RPH3AL: variants seen among roughly 807,000 people sequenced by gnomAD.
RPH3AL encodes rabphilin 3A like (without C2 domains), also known as rab effector Noc2.
In RPH3AL, 38 loss-of-function variants were observed where a neutral mutation model predicts 43.1. That is an observed-to-expected ratio of 0.88 (90% confidence interval 0.68 to 1.15). RPH3AL has a LOEUF of 1.15. Ranked by LOEUF, RPH3AL falls within the 50% of genes most tolerant of loss-of-function variation. The probability of loss-of-function intolerance (pLI) is 0.00; values close to 1 mark genes in which losing one functional copy is unlikely to be tolerated. For missense variants in RPH3AL, 462 were observed against 423.2 expected (o/e 1.09, Z -0.81); for synonymous variants, 189 against 176.3 (o/e 1.07, Z -0.57).
At position 225,457 on chromosome 17, in the gene RPH3AL, G is replaced by A. The variant is rs1228744557; in HGVS notation, c.614-5721C>T. Among the ~76,000 whole-genome samples the A allele has an allele frequency of 6.6e-6, 1 of 152,160 alleles. No individual in the cohort carries two copies. Among genetic ancestry groups the A allele is most frequent in the Non-Finnish European group, 1.5e-5 (1 of 68,024 alleles). The stretch of plus-strand genomic sequence containing the variant: ...TGTAGTTTTGACTCACTGATGAGAT[G>A]CCAACCTCATGGGTCCCATGAAAAA... On this transcript the variant is annotated intron_variant, in intron 7 of 9. Coordinates refer to ENST00000331302, the MANE Select transcript of RPH3AL (RefSeq NM_006987.4). The surrounding 1 kb of genome is among the most constrained non-coding windows in gnomAD (Gnocchi z 4.4).
chr17:341,661 G>T (rs2045122578), intron 1 of RPH3AL, among the ~76,000 whole-genome samples: 5 of 152,258 alleles, frequency 3.3e-5, no homozygotes, highest in Middle Eastern at 3.4e-3. Flanking sequence ...ATTTGGCAAT[G>T]ATTTCTTAGA....
At position 247,306 on chromosome 17, in the gene RPH3AL, G is replaced by A. The variant is rs371501624; in HGVS notation, c.439-21C>T. 5 of 1,545,528 alleles carry A rather than the reference G, an allele frequency of 3.2e-6. No individual in the cohort carries two copies. In the African/African-American group the frequency reaches 5.5e-5, roughly 17 times the overall value. On this transcript the variant is annotated intron_variant, in intron 6 of 9. Coordinates refer to ENST00000331302, the MANE Select transcript of RPH3AL (RefSeq NM_006987.4). ...CAGACCTGAGTGGGGGAAGAGAGCTGCTTGGGGCACAGGACGCAGAGGAGC... is the reference window on the plus strand; with the variant it reads ...CAGACCTGAGTGGGGGAAGAGAGCTACTTGGGGCACAGGACGCAGAGGAGC...
chr17:347,108 A>C (rs2045251605), intron 1 of RPH3AL, among the ~76,000 whole-genome samples: 1 of 134,178 alleles, frequency 7.5e-6, no homozygotes, highest in African/African-American at 2.6e-5. Context: ...AATACAAAAA[A>C]TTAGCCAGGC....
chr17:274,216 G>A lies in RPH3AL; in HGVS notation c.438+7552C>T, dbSNP rs531173391. Among the ~76,000 whole-genome samples the A allele has an allele frequency of 1.1e-3, 167 of 152,360 alleles. No individual in the cohort carries two copies. Among genetic ancestry groups the A allele is most frequent in the Non-Finnish European group, 1.8e-3 (123 of 68,032 alleles). On this transcript the variant is annotated intron_variant, in intron 6 of 9. Transcript: ENST00000331302. This position sits in a 1 kb window ranked among gnomAD's most constrained non-coding sequence, Gnocchi z 4.7. Reference sequence around the variant, plus strand: ...CGCACCCATGAAAGCACGTGGAAAAGGCACCGCGAAACCCCAGCCCGGGGC... The same window carrying A: ...CGCACCCATGAAAGCACGTGGAAAAAGCACCGCGAAACCCCAGCCCGGGGC...
intron 6 of RPH3AL, among the ~76,000 whole-genome samples, chr17:269,464 A>G (rs1167452987): frequency 6.6e-6 from 1 of 152,228 alleles, no homozygotes; most frequent in African/African-American, 2.4e-5. Flanking sequence ...GGCCTCGAAC[A>G]GTGCCCGGCA....
chr17:329,090 T>G (rs556573047), intron 2 of RPH3AL, among the ~76,000 whole-genome samples: 1 of 152,242 alleles, frequency 6.6e-6, no homozygotes, highest in East Asian at 1.9e-4. Flanking sequence ...CTAAAACCAC[T>G]GAATCGCACC....
At position 312,796 on chromosome 17, in the gene RPH3AL, G is replaced by A. The variant is rs187374634; in HGVS notation, c.351+6624C>T. On this transcript the variant is annotated intron_variant, in intron 5 of 9. Transcript: ENST00000331302. The stretch of plus-strand genomic sequence containing the variant: ...GAGGTTAAGTGACTTGTACGAGACC[G>A]CGCCACCGTGGCCAAGCTGGGACCT... Among the ~76,000 whole-genome samples, 15 of 152,288 alleles carry A rather than the reference G, an allele frequency of 9.8e-5. 1 individual carries two copies. In the South Asian group the frequency reaches 2.5e-3, roughly 25 times the overall value.
chr17:296,982 C>T (rs547049877), intron 5 of RPH3AL, among the ~76,000 whole-genome samples: 45 of 152,242 alleles, frequency 3.0e-4, no homozygotes, highest in African/African-American at 9.9e-4. Context: ...ACCGTAACAC[C>T]GATTTTCCCC....
chr17:314,619 G>GA (rs144016492), intron 5 of RPH3AL, among the ~76,000 whole-genome samples: 9 of 17,166 alleles, frequency 5.2e-4, no homozygotes, highest in African/African-American at 7.1e-4. Flanking sequence ...TAGTCCCTGT[G>GA]CCCCACCTCC....
At chr17:269,006 G>A (rs963713359) in intron 6 of RPH3AL, among the ~76,000 whole-genome samples, 2 of 152,158 alleles carry the variant, frequency 1.3e-5, no homozygotes, top group Admixed American at 6.5e-5. Context: ...AGCCTCCCGA[G>A]TAGCTGGGAC....
chr17:281,592 C>T (rs1372620667), intron 6 of RPH3AL, among the ~76,000 whole-genome samples, 176 bp downstream of exon 6: 1 of 152,034 alleles, frequency 6.6e-6, no homozygotes, highest in Non-Finnish European at 1.5e-5. Flanking sequence ...GCCGAGTGGT[C>T]AGTTCTTCCT....
At chr17:317,550 C>T (rs569240822) in intron 5 of RPH3AL, among the ~76,000 whole-genome samples, 3 of 152,068 alleles carry the variant, frequency 2.0e-5, no homozygotes, top group Admixed American at 1.3e-4. Flanking sequence ...GTGCCCCCAC[C>T]TCCACTGACC....
intron 2 of RPH3AL, chr17:331,511 C>T (rs2044763787): frequency 8.3e-7 from 1 of 1,205,948 alleles, no homozygotes; most frequent in Admixed American, 2.8e-5. Context: ...GCTGGCACCT[C>T]AGAAGGCACA....
intron 5 of RPH3AL, among the ~76,000 whole-genome samples, chr17:315,593 G>GA (rs2044000173): frequency 1.6e-4 from 20 of 123,380 alleles, no homozygotes; most frequent in Middle Eastern, 9.6e-3. Context: ...TAGTCCCTGT[G>GA]CTCCACCTCC....
At chr17:258,189 G>C (rs532699764) in intron 6 of RPH3AL, among the ~76,000 whole-genome samples, 4 of 152,296 alleles carry the variant, frequency 2.6e-5, no homozygotes, top group African/African-American at 9.6e-5. Context: ...TGGTCCTTCT[G>C]TTTTCATCTG....
intron 7 of RPH3AL, among the ~76,000 whole-genome samples, chr17:223,008 A>G (rs1250689242): frequency 2.6e-5 from 4 of 152,144 alleles, no homozygotes; most frequent in Admixed American, 2.0e-4. Context: ...TGGCTAACAT[A>G]GTGAAACCCC....
intron 1 of RPH3AL, among the ~76,000 whole-genome samples, chr17:342,655 A>G (rs1170701107): frequency 1.3e-5 from 2 of 152,240 alleles, no homozygotes; most frequent in Non-Finnish European, 2.9e-5. Context: ...ACAAATTTAT[A>G]GAGACAGAAA....
Position 242,831 on chromosome 17 carries a change from AC to A in RPH3AL, c.613+4279del, listed in dbSNP as rs1432716794. Among the ~76,000 whole-genome samples the A allele has an allele frequency of 2.9e-4, 31 of 105,708 alleles. 4 individuals carry two copies. The highest frequency in any genetic ancestry group is 9.1e-3 in the Middle Eastern group (1 of 110). The allele number at this position is 105,708 out of a possible 152,430, so 69.3% of individuals were successfully genotyped here. ...TATTGATTACCTTCCTCTATTGATT[AC>A]CCTTCCTCTATTGATTACCTTCCTC... On this transcript the variant is annotated intron_variant, in intron 7 of 9. Coordinates refer to ENST00000331302, the MANE Select transcript of RPH3AL (RefSeq NM_006987.4).
intron 8 of RPH3AL, 31 bp downstream of exon 8, chr17:219,592 C>A: frequency 7.6e-7 from 1 of 1,314,962 alleles, no homozygotes. Flanking sequence ...CCGTGCCCGG[C>A]CAATAAGCAG....
Sources: allele counts gnomAD v4.1 joint callset (sites outside exome capture counted in the v4.1 genomes callset), GRCh38; gene constraint gnomAD v4.1.1; non-coding constraint Gnocchi (gnomAD v3.1); transcripts MANE v1.5; gene names NCBI Gene and HGNC (gene_info 2026-07-23, HGNC 2026-07-21).